Variants in NRXN1 observed in about 807,000 individuals in gnomAD.
NRXN1 encodes the protein neurexin-1.
A neutral mutation model predicts 150.9 loss-of-function variants in NRXN1; 39 were observed. The ratio of observed to expected loss-of-function variants is 0.26; its 90% CI spans 0.20 to 0.34. The LOEUF is 0.34. Ranked by LOEUF, NRXN1 falls within the 10% of genes least tolerant of loss-of-function variation. The pLI, the probability that NRXN1 is intolerant of heterozygous loss-of-function variation, is 1.00. For missense variants in NRXN1, 1,815 were observed against 1,949.9 expected, an observed-to-expected ratio of 0.93 and a Z score of 1.30; for synonymous variants, 924 against 757.0, an observed-to-expected ratio of 1.22 and a Z score of -3.62.
intron 8 of NRXN1, among the ~76,000 whole-genome samples, chr2:50,569,536 A>G (rs1423366905): frequency 1.3e-5 from 2 of 152,138 alleles, no homozygotes; most frequent in East Asian, 3.8e-4. Context: ...ATATAAACAC[A>G]TATGTATGTG....
intron 18 of NRXN1, among the ~76,000 whole-genome samples, chr2:50,194,095 G>C (rs142748420): frequency 1.3e-5 from 2 of 152,266 alleles, no homozygotes; most frequent in Admixed American, 6.5e-5. Context: ...TCATCAGATA[G>C]GGGAACTACA....
chr2:49,956,961 G>A (rs6713560), intron 21 of NRXN1, among the ~76,000 whole-genome samples: 62,757 of 151,876 alleles, frequency 0.41, 13,386 homozygotes, highest in South Asian at 0.53. Context: ...AGCTTTTAAC[G>A]GTTCTCAAAG....
rs972641026 is a variant in NRXN1 at position 50,524,832 on chromosome 2, T to A, written c.2374+3793A>T. ...AGAGAAAGAAAAAAATGGCACTACT[T>A]AATCATGCAGTACATCACAAAAAAG... On this transcript the variant is annotated intron_variant, in intron 12 of 22. Coordinates refer to ENST00000401669, the MANE Select transcript of NRXN1 (RefSeq NM_001330078.2). 4.6e-5 allele frequency among the ~76,000 whole-genome samples: 7 copies of A among 152,086 alleles called. No homozygotes were observed. The South Asian group carries it at 6.2e-4, about 13-fold the overall frequency.
intron 5 of NRXN1, among the ~76,000 whole-genome samples, chr2:50,761,498 A>G (rs1277694223): frequency 2.0e-5 from 3 of 151,912 alleles, no homozygotes; most frequent in Non-Finnish European, 4.4e-5. Context: ...CATGATTGTG[A>G]GGCCTCCCAG....
intron 17 of NRXN1, among the ~76,000 whole-genome samples, chr2:50,339,661 T>C (rs1345788326): frequency 6.6e-6 from 1 of 152,190 alleles, no homozygotes; most frequent in Non-Finnish European, 1.5e-5. Context: ...AGCTTTTTAG[T>C]ATAGTGGTTA....
chr2:50,230,628 T>C (rs1306966783), intron 18 of NRXN1, among the ~76,000 whole-genome samples: 2 of 152,064 alleles, frequency 1.3e-5, no homozygotes, highest in African/African-American at 4.8e-5. Flanking sequence ...TAGAAATAGC[T>C]GTTTTGTTCT....
At chr2:50,100,137 G>A (rs1175645666) in intron 18 of NRXN1, among the ~76,000 whole-genome samples, 1 of 152,100 alleles carries the variant, frequency 6.6e-6, no homozygotes, top group Non-Finnish European at 1.5e-5. Flanking sequence ...TTAAATCAGA[G>A]ATTCTCCAAT....
chr2:50,843,645 G>A (rs1233327850), intron 5 of NRXN1, among the ~76,000 whole-genome samples: 4 of 152,094 alleles, frequency 2.6e-5, no homozygotes, highest in African/African-American at 9.7e-5. Context: ...CTACCTATCC[G>A]CCATCCAGGT....
chr2:50,151,081 G>C (rs1244433081), intron 18 of NRXN1, among the ~76,000 whole-genome samples: 1 of 151,730 alleles, frequency 6.6e-6, no homozygotes, highest in Non-Finnish European at 1.5e-5. Flanking sequence ...TCAAGGAAAA[G>C]CCTAGTCTGC....
At chr2:50,863,899 AC>A (rs1216242100) in intron 5 of NRXN1, among the ~76,000 whole-genome samples, 1 of 151,984 alleles carries the variant, frequency 6.6e-6, no homozygotes, top group African/African-American at 2.4e-5. Context: ...GAGATAGGAA[AC>A]TTTTTTGTCT....
chr2:50,344,155 C>G (rs1471561872), intron 17 of NRXN1, among the ~76,000 whole-genome samples: 2 of 152,146 alleles, frequency 1.3e-5, no homozygotes, highest in Non-Finnish European at 1.5e-5. Context: ...TTAGGTTTCT[C>G]TTTAAGCCAT....
At chr2:50,868,665 G>C (rs893313961) in intron 5 of NRXN1, among the ~76,000 whole-genome samples, 5 of 151,796 alleles carry the variant, frequency 3.3e-5, no homozygotes, top group African/African-American at 1.2e-4. Context: ...AATTATTGTA[G>C]ACAATTGATA....
At chr2:50,733,482 A>C (rs1373161020) in intron 5 of NRXN1, among the ~76,000 whole-genome samples, 2 of 152,204 alleles carry the variant, frequency 1.3e-5, no homozygotes, top group Non-Finnish European at 2.9e-5. Flanking sequence ...ATTAATGCCC[A>C]ATAGTGACCA....
At chr2:50,857,389 A>AT (rs1287846689) in intron 5 of NRXN1, among the ~76,000 whole-genome samples, 1 of 151,930 alleles carries the variant, frequency 6.6e-6, no homozygotes, top group Non-Finnish European at 1.5e-5. Context: ...GTCTAGCACT[A>AT]TTTTTTTATG....
At chr2:50,922,800 T>C in intron 3 of NRXN1, 113 bp from the exon 4 acceptor site, 1 of 1,049,748 alleles carries the variant, frequency 9.5e-7, no homozygotes. Flanking sequence ...ATGAGACATG[T>C]CTGTATCACA....
intron 17 of NRXN1, among the ~76,000 whole-genome samples, chr2:50,245,284 C>T (rs898516119): frequency 2.6e-5 from 4 of 151,838 alleles, no homozygotes; most frequent in Non-Finnish European, 2.9e-5. Flanking sequence ...AGTAGTAGAA[C>T]TTTTGCCAAT....
At position 50,236,842 on chromosome 2, in the gene NRXN1, A is replaced by G. The variant is rs1203092070; in HGVS notation, c.3493T>C (p.Leu1165=). The change falls in exon 18 of 23, where the codon TTG becomes CTG. Residue 1165 remains leucine (L), a synonymous_variant. Coordinates refer to ENST00000401669, the MANE Select transcript of NRXN1 (RefSeq NM_001330078.2). ...CCTGAAGAACTGTCCACTCGCACCA[A>G]TACGGCTTCTTTCTGAACAGTGCTA... The part of the protein sequence containing the change: ...GFSTVQKEAV[L]VRVDSSSGLG... The G allele has an allele frequency of 1.2e-6, 2 of 1,613,284 alleles. No individual in the cohort carries two copies. Among genetic ancestry groups the G allele is most frequent in the Non-Finnish European group, 1.7e-6 (2 of 1,179,606 alleles).
chr2:50,137,034 T>G (rs1574108041), intron 18 of NRXN1, among the ~76,000 whole-genome samples: 1 of 152,186 alleles, frequency 6.6e-6, no homozygotes, highest in South Asian at 2.1e-4. Flanking sequence ...CTTACAACAC[T>G]GTCAGTTGAG....
intron 17 of NRXN1, among the ~76,000 whole-genome samples, chr2:50,334,192 A>AATTTTAT (rs57808424): frequency 2.6e-4 from 31 of 118,954 alleles, no homozygotes; most frequent in African/African-American, 8.6e-4. Context: ...ACCAGGACCA[A>AATTTTAT]ATATATATAT....
Sources: gnomAD v4.1 joint callset for allele counts (sites outside exome capture counted in the v4.1 genomes callset) on GRCh38, gnomAD v4.1.1 for gene constraint, MANE v1.5 for transcripts, NCBI Gene and HGNC (gene_info 2026-07-23, HGNC 2026-07-21) for gene names.